The following CFAP299 variants were observed in gnomAD, a reference collection of about 807,000 sequenced individuals.
CFAP299 encodes the protein cilia- and flagella-associated protein 299.
Under a neutral mutation model 27.0 loss-of-function variants are expected in CFAP299, and 21 were observed. The observed-to-expected ratio is 0.78, with a 90% CI of 0.55 to 1.12. CFAP299 has a LOEUF of 1.12. Ranked by LOEUF, CFAP299 falls within the 50% of genes most tolerant of loss-of-function variation. CFAP299 has a pLI of 0.00. For missense variants in CFAP299, 310 were observed against 276.6 expected (o/e 1.12, Z -0.86); for synonymous variants, 104 against 98.1 (o/e 1.06, Z -0.36).
intron 1 of CFAP299, among the ~76,000 whole-genome samples, chr4:80,340,861 C>T (rs1469579442): frequency 4.6e-5 from 7 of 152,132 alleles, no homozygotes; most frequent in South Asian, 2.1e-4. Flanking sequence ...CAGCAACCTC[C>T]GCCTCTCAGG....
intron 3 of CFAP299, among the ~76,000 whole-genome samples, chr4:80,645,429 G>C (rs1739956996): frequency 1.3e-5 from 2 of 152,052 alleles, no homozygotes; most frequent in African/African-American, 4.8e-5. Context: ...GGATAAAAAA[G>C]TATCTGTTAA....
Position 80,792,698 on chromosome 4 carries a change from T to C in CFAP299, c.334-77295T>C, listed in dbSNP as rs571569924. Among the ~76,000 whole-genome samples the C allele has an allele frequency of 3.3e-5, 5 of 152,270 alleles. No individual in the cohort carries two copies. In the South Asian group the frequency reaches 1.0e-3, roughly 32 times the overall value. The stretch of plus-strand genomic sequence containing the variant: ...TCAACAAAGTCTGTGCTGAGAAATA[T>C]TTGTTCAGATAGGTTTTCTGCGTTT... On this transcript the variant is annotated intron_variant, in intron 3 of 5. Coordinates refer to ENST00000358105, the MANE Select transcript of CFAP299 (RefSeq NM_152770.3).
chr4:80,457,646 CT>C (rs1729231491), intron 2 of CFAP299, among the ~76,000 whole-genome samples: 1 of 152,146 alleles, frequency 6.6e-6, no homozygotes, highest in Non-Finnish European at 1.5e-5. Flanking sequence ...ACTATTTTGC[CT>C]GTTTCTTCTT....
chr4:80,655,462 G>A lies in CFAP299; in HGVS notation c.333+72279G>A, dbSNP rs541648342. Among the ~76,000 whole-genome samples the A allele has an allele frequency of 2.0e-5, 3 of 152,238 alleles. No individual in the cohort carries two copies. In the Middle Eastern group the frequency reaches 0.01, roughly 518 times the overall value. ...CTCAAGTCTGTAAAAGCTAGAATGG[G>A]TACACAGAATTGGTATGGTAAGTGG... On this transcript the variant is annotated intron_variant, in intron 3 of 5. Coordinates refer to ENST00000358105, the MANE Select transcript of CFAP299 (RefSeq NM_152770.3).
chr4:80,910,545 C>T (rs1309786370), intron 4 of CFAP299, among the ~76,000 whole-genome samples: 4 of 152,012 alleles, frequency 2.6e-5, no homozygotes, highest in African/African-American at 7.2e-5. Context: ...AGCTGGAAAC[C>T]GTCATTCCTA....
intron 2 of CFAP299, among the ~76,000 whole-genome samples, chr4:80,423,289 T>A (rs1311565809): frequency 6.6e-6 from 1 of 152,302 alleles, no homozygotes; most frequent in East Asian, 1.9e-4. Flanking sequence ...AAGTATTATT[T>A]TAAGATGTAT....
chr4:80,387,318 G>C (rs1228528228), intron 2 of CFAP299: 17 of 1,607,434 alleles, frequency 1.1e-5, no homozygotes, highest in Non-Finnish European at 1.4e-5. Context: ...GGGAACGTTT[G>C]GGCACAGCTT....
At chr4:80,778,516 T>C (rs1415668720) in intron 3 of CFAP299, among the ~76,000 whole-genome samples, 2 of 152,082 alleles carry the variant, frequency 1.3e-5, no homozygotes, top group African/African-American at 4.8e-5. Flanking sequence ...TTAAACTGAG[T>C]TTGTTTTGTT....
At chr4:80,900,374 A>G (rs1296998854) in intron 4 of CFAP299, among the ~76,000 whole-genome samples, 1 of 152,158 alleles carries the variant, frequency 6.6e-6, no homozygotes, top group Non-Finnish European at 1.5e-5. Flanking sequence ...AATAATATTA[A>G]CATAGCAATA....
chr4:80,893,339 T>C (rs1734440566), intron 4 of CFAP299, among the ~76,000 whole-genome samples: 1 of 151,886 alleles, frequency 6.6e-6, no homozygotes, highest in Non-Finnish European at 1.5e-5. Flanking sequence ...AATATCCTCA[T>C]TCCAATAATA....
intron 3 of CFAP299, among the ~76,000 whole-genome samples, chr4:80,653,345 C>A (rs1478968453): frequency 1.3e-5 from 2 of 152,070 alleles, no homozygotes; most frequent in African/African-American, 4.8e-5. Context: ...TTTTCTCCAT[C>A]CCTCTGTTGT....
intron 2 of CFAP299, among the ~76,000 whole-genome samples, chr4:80,581,453 G>GATTATATAT (rs1553936102): frequency 1.1e-4 from 11 of 103,032 alleles, no homozygotes; most frequent in African/African-American, 6.9e-4. Context: ...TATTAAGTGA[G>GATTATATAT]ATATATATAT....
chr4:80,826,033 A>C (rs1448784641), intron 3 of CFAP299, among the ~76,000 whole-genome samples: 1 of 151,918 alleles, frequency 6.6e-6, no homozygotes, highest in Non-Finnish European at 1.5e-5. Context: ...ATTAGTTTAT[A>C]TTTTTGAGCA....
intron 3 of CFAP299, among the ~76,000 whole-genome samples, chr4:80,843,601 G>C (rs1387462385): frequency 6.6e-6 from 1 of 151,920 alleles, no homozygotes; most frequent in African/African-American, 2.4e-5. Context: ...ACCCAGTAAC[G>C]GGGTGGCTGG....
chr4:80,866,059 T>TTTTATATATATATATATATA (rs886156357), intron 3 of CFAP299, among the ~76,000 whole-genome samples: 14 of 58,380 alleles, frequency 2.4e-4, no homozygotes, highest in East Asian at 1.1e-3. Context: ...ACTTAAAGTA[T>TTTTATATATATATATATATA]TATATATATA....
At chr4:80,474,367 A>G (rs888570930) in intron 2 of CFAP299, among the ~76,000 whole-genome samples, 1 of 152,226 alleles carries the variant, frequency 6.6e-6, no homozygotes, top group South Asian at 2.1e-4. Context: ...CAGTTTCCTG[A>G]ACATTTAAAG....
At chr4:80,694,438 G>A (rs1176295627) in intron 3 of CFAP299, among the ~76,000 whole-genome samples, 1 of 152,138 alleles carries the variant, frequency 6.6e-6, no homozygotes, top group East Asian at 1.9e-4. Context: ...AAAGAACAAT[G>A]CATATCTATA....
intron 3 of CFAP299, among the ~76,000 whole-genome samples, chr4:80,662,839 A>T (rs918312895): frequency 6.6e-6 from 1 of 152,108 alleles, no homozygotes; most frequent in African/African-American, 2.4e-5. Flanking sequence ...ACCAAAGACA[A>T]GTGGAGGAAA....
intron 3 of CFAP299, among the ~76,000 whole-genome samples, chr4:80,739,154 G>T (rs898971700): frequency 1.3e-5 from 2 of 151,914 alleles, no homozygotes; most frequent in African/African-American, 4.8e-5. Context: ...GTTTTCATTG[G>T]TTTATCCTTT....
Sources: gnomAD v4.1 joint callset for allele counts (sites outside exome capture counted in the v4.1 genomes callset) on GRCh38, gnomAD v4.1.1 for gene constraint, MANE v1.5 for transcripts, NCBI Gene and HGNC (gene_info 2026-07-23, HGNC 2026-07-21) for gene names.